Variants in CCDC178 observed in about 807,000 individuals in gnomAD.
CCDC178 encodes the protein coiled-coil domain containing 178.
CCDC178 carries 126 observed loss-of-function variants against 117.4 expected under a neutral mutation model. The observed-to-expected ratio is 1.07, with a 90% CI of 0.93 to 1.24. The LOEUF (loss-of-function observed/expected upper bound fraction) is 1.24, where lower values mean the gene tolerates loss of function less well. Among genes scored for constraint, CCDC178 ranks in the 50% most tolerant of loss-of-function variants. The pLI, the probability that CCDC178 is intolerant of heterozygous loss-of-function variation, is 0.00. For synonymous variants in CCDC178, 283 were observed against 313.4 expected (o/e 0.90, Z 1.02); for missense variants, 1,030 against 986.9 (o/e 1.04, Z -0.59).
At chr18:33,202,116 C>A (rs1032600303) in intron 20 of CCDC178, among the ~76,000 whole-genome samples, 1 of 151,962 alleles carries the variant, frequency 6.6e-6, no homozygotes, top group South Asian at 2.1e-4. Flanking sequence ...CTCTACTGGC[C>A]GGGCGCGGTG....
chr18:32,974,703 G>A lies in CCDC178; in HGVS notation c.2389-22C>T, dbSNP rs372732510. 6.0e-5 allele frequency: 96 copies of A among 1,609,352 alleles called. No homozygotes were observed. The African/African-American group carries it at 1.2e-3, about 20-fold the overall frequency. On this transcript the variant is annotated intron_variant, in intron 21 of 22. Transcript: ENST00000383096. ...AGAGCTAAAGGGAAGAGGGAGGGGA[G>A]AAAACACAAGTCAGAGGAGGAGAGG...
intron 20 of CCDC178, among the ~76,000 whole-genome samples, chr18:33,196,327 G>A (rs891494168): frequency 1.3e-5 from 2 of 152,188 alleles, no homozygotes; most frequent in Admixed American, 6.5e-5. Flanking sequence ...CTTTGTGGCA[G>A]AGAGGAGGTA....
intron 12 of CCDC178, among the ~76,000 whole-genome samples, chr18:33,281,154 G>T (rs936007354): frequency 6.7e-6 from 1 of 149,720 alleles, no homozygotes; most frequent in Non-Finnish European, 1.5e-5. Flanking sequence ...AATTAAAATG[G>T]ATAGATTCAT....
chr18:33,397,453 C>T (rs2063654901), intron 3 of CCDC178, among the ~76,000 whole-genome samples: 1 of 152,084 alleles, frequency 6.6e-6, no homozygotes, highest in South Asian at 2.1e-4. Flanking sequence ...TCTTGGGTGA[C>T]ATTCTGGGAT....
At chr18:32,984,968 A>G (rs1433604735) in intron 21 of CCDC178, among the ~76,000 whole-genome samples, 1 of 151,904 alleles carries the variant, frequency 6.6e-6, no homozygotes, top group Non-Finnish European at 1.5e-5. Flanking sequence ...GCTGTGGTTG[A>G]GCAATTTTCT....
chr18:33,300,862 T>C (rs1319735907), intron 11 of CCDC178, among the ~76,000 whole-genome samples: 1 of 152,202 alleles, frequency 6.6e-6, no homozygotes, highest in Non-Finnish European at 1.5e-5. Flanking sequence ...TCTGGAAAGT[T>C]TGCAGCCTGG....
intron 21 of CCDC178, among the ~76,000 whole-genome samples, chr18:33,089,804 A>T (rs145191828): frequency 1.3e-5 from 2 of 152,284 alleles, no homozygotes; most frequent in African/African-American, 4.8e-5. Context: ...ATTAAAAATG[A>T]CATATTTTTA....
At chr18:33,100,110 C>A (rs992923393) in intron 20 of CCDC178, among the ~76,000 whole-genome samples, 1 of 151,828 alleles carries the variant, frequency 6.6e-6, no homozygotes, top group Non-Finnish European at 1.5e-5. Flanking sequence ...ACGCAGCTGA[C>A]GAATCATACC....
intron 21 of CCDC178, among the ~76,000 whole-genome samples, chr18:33,008,768 C>G (rs965317577): frequency 7.9e-5 from 12 of 152,102 alleles, no homozygotes; most frequent in African/African-American, 2.9e-4. Context: ...GATTTCTTCT[C>G]TATCCTGAGA....
At chr18:33,105,434 C>A (rs1036034772) in intron 20 of CCDC178, among the ~76,000 whole-genome samples, 1 of 151,594 alleles carries the variant, frequency 6.6e-6, no homozygotes, top group Non-Finnish European at 1.5e-5. Flanking sequence ...TGTGAAACTG[C>A]ATTAATACCA....
intron 18 of CCDC178, among the ~76,000 whole-genome samples, chr18:33,222,122 A>C (rs1317685292): frequency 6.6e-6 from 1 of 152,088 alleles, no homozygotes; most frequent in African/African-American, 2.4e-5. Context: ...TGGGGGTAAA[A>C]CAGTAGACAT....
chr18:33,128,380 T>C (rs1450048597), intron 20 of CCDC178, among the ~76,000 whole-genome samples: 2 of 152,168 alleles, frequency 1.3e-5, no homozygotes, highest in Admixed American at 6.5e-5. Flanking sequence ...TTAAAAGAAC[T>C]GAAGATCAAA....
chr18:33,210,791 C>T (rs1202724071), intron 20 of CCDC178, among the ~76,000 whole-genome samples: 4 of 151,990 alleles, frequency 2.6e-5, no homozygotes, highest in Non-Finnish European at 5.9e-5. Context: ...CTAGATGGCA[C>T]CAATTATTTT....
At chr18:33,158,482 AT>A (rs1568024497) in intron 20 of CCDC178, among the ~76,000 whole-genome samples, 1 of 152,112 alleles carries the variant, frequency 6.6e-6, no homozygotes, top group East Asian at 1.9e-4. Context: ...TAATTTTGCA[AT>A]TTAAAAAAAC....
At chr18:33,237,623 A>C (rs1248442670) in intron 15 of CCDC178, among the ~76,000 whole-genome samples, 2 of 151,758 alleles carry the variant, frequency 1.3e-5, no homozygotes, top group Non-Finnish European at 2.9e-5. Flanking sequence ...CTGAGAAACA[A>C]CACCATGGGC....
chr18:32,944,441 G>A (rs1049042439), intron 22 of CCDC178, among the ~76,000 whole-genome samples: 2 of 152,182 alleles, frequency 1.3e-5, no homozygotes, highest in African/African-American at 4.8e-5. Flanking sequence ...AAGTGATGGG[G>A]AGGCACTGAT....
chr18:33,316,378 C>T (rs1372738201), intron 11 of CCDC178, among the ~76,000 whole-genome samples: 1 of 152,196 alleles, frequency 6.6e-6, no homozygotes, highest in Non-Finnish European at 1.5e-5. Context: ...GCAGCTGCTG[C>T]GCTCGATTTC....
At chr18:33,084,364 C>G (rs1441306668) in intron 21 of CCDC178, among the ~76,000 whole-genome samples, 1 of 152,098 alleles carries the variant, frequency 6.6e-6, no homozygotes, top group South Asian at 2.1e-4. Flanking sequence ...GTTTTATTGT[C>G]TTTTCCATCT....
At chr18:33,035,568 T>G (rs755808714) in intron 21 of CCDC178, among the ~76,000 whole-genome samples, 1 of 151,942 alleles carries the variant, frequency 6.6e-6, no homozygotes, top group Non-Finnish European at 1.5e-5. Flanking sequence ...GAAAAAATAA[T>G]TGAACTCTTA....
Sources: gnomAD v4.1 joint callset for allele counts (sites outside exome capture counted in the v4.1 genomes callset) on GRCh38, gnomAD v4.1.1 for gene constraint, MANE v1.5 for transcripts, NCBI Gene and HGNC (gene_info 2026-07-23, HGNC 2026-07-21) for gene names.